Variants in ZNF223 observed in about 807,000 individuals in gnomAD.
The protein encoded by ZNF223 is Homo sapiens zinc finger protein 223.
ZNF223 carries 9 observed loss-of-function variants against 12.3 expected under a neutral mutation model. The observed-to-expected ratio is 0.73, with a 90% CI of 0.44 to 1.28. The LOEUF (loss-of-function observed/expected upper bound fraction) is 1.28, where lower values mean the gene tolerates loss of function less well. Among genes scored for constraint, ZNF223 ranks in the 50% most tolerant of loss-of-function variants. ZNF223 has a pLI of 0.00. For missense variants in ZNF223, 506 were observed against 579.0 expected (o/e 0.87, Z 1.29); for synonymous variants, 171 against 195.2 (o/e 0.88, Z 1.03).
chr19:44,066,883 G>A lies in ZNF223; in HGVS notation c.1055G>A (p.Ser352Asn), dbSNP rs779176128. 8.7e-6 allele frequency: 14 copies of A among 1,614,060 alleles called. No individual in the cohort carries two copies. The highest frequency in any genetic ancestry group is 1.2e-5 in the Non-Finnish European group (14 of 1,180,052). ...KPYNCKECGK[S>N]FRRSSYLLIH... ...TATAATTGTAAAGAATGTGGGAAGA[G>A]CTTCAGACGGTCCTCCTATCTTTTG... The change falls in exon 5 of 5, where the codon AGC becomes AAC. Residue 352 changes from serine (S) to asparagine (N), a missense_variant. Ser to Asn is a conservative substitution (Grantham distance 46, BLOSUM62 1). Transcript: ENST00000434772.
At chr19:44,055,042 T>C (rs1976746972) in intron 1 of ZNF223, 67 bp from the exon 2 acceptor site, 1 of 746,792 alleles carries the variant, frequency 1.3e-6, no homozygotes, top group South Asian at 1.8e-5. Flanking sequence ...ATATGAGTCC[T>C]TGTTGGTGGG....
At chr19:44,054,241 G>C (rs556252953) in intron 1 of ZNF223, among the ~76,000 whole-genome samples, 42 of 151,532 alleles carry the variant, frequency 2.8e-4, no homozygotes, top group African/African-American at 8.5e-4. Flanking sequence ...GGTGCAATAG[G>C]ATGCCCTTTT....
rs1307885816 is a variant in ZNF223 at position 44,067,667 on chromosome 19, A to C, written c.*390A>C. 7 of 391,328 alleles carry C rather than the reference A, an allele frequency of 1.8e-5. No homozygotes were observed. The highest frequency in any genetic ancestry group is 3.5e-5 in the Non-Finnish European group (7 of 201,416). The allele number at this position is 391,328 out of a possible 1,614,324, so 24.2% of individuals were successfully genotyped here. ...TTTCAGCCATAGCTCAGCATACCCC[A>C]GTGGTCGTGGGACTGTCAGAGCAGA... On this transcript the variant is annotated 3_prime_UTR_variant, in exon 5 of 5. Coordinates refer to ENST00000434772, the MANE Select transcript of ZNF223 (RefSeq NM_013361.6).
At chr19:44,054,916 T>A (rs74968911) in intron 1 of ZNF223, among the ~76,000 whole-genome samples, 193 bp from the exon 2 acceptor site, 240 of 152,298 alleles carry the variant, frequency 1.6e-3, no homozygotes, top group Non-Finnish European at 2.7e-3. Context: ...AAGATTCCAT[T>A]GTATGAATAT....
At chr19:44,058,715 A>T (rs1169925062) in intron 2 of ZNF223, among the ~76,000 whole-genome samples, 1 of 152,216 alleles carries the variant, frequency 6.6e-6, no homozygotes, top group African/African-American at 2.4e-5. Flanking sequence ...GAGTGAAGGG[A>T]TGTTGCTGGG....
intron 4 of ZNF223, among the ~76,000 whole-genome samples, chr19:44,062,363 C>G (rs1424533605): frequency 2.6e-5 from 4 of 152,202 alleles, no homozygotes. Context: ...GCCTACCTGT[C>G]ACTTCATTCA....
rs933984777 is a variant in ZNF223 at position 44,057,199 on chromosome 19, A to G, written c.15+2008A>G. 4.5e-4 allele frequency among the ~76,000 whole-genome samples: 69 copies of G among 152,170 alleles called. 2 individuals carry two copies. Among genetic ancestry groups the G allele is most frequent in the South Asian group, 4.1e-4 (2 of 4,834 alleles). ...TAAACTGCTCTTGGCTATCATAAGG[A>G]GAATTAGGGTACTTGTATTCTGTTG... On this transcript the variant is annotated intron_variant, in intron 2 of 4. Transcript: ENST00000434772.
At chr19:44,064,454 CAG>C (rs1319592140) in intron 4 of ZNF223, among the ~76,000 whole-genome samples, 2 of 152,100 alleles carry the variant, frequency 1.3e-5, no homozygotes, top group African/African-American at 4.8e-5. Context: ...CATATCAAAA[CAG>C]AAAAATAAGA....
At position 44,067,071 on chromosome 19, in the gene ZNF223, A is replaced by G; in HGVS notation, c.1243A>G (p.Ile415Val). Residue 415 changes from isoleucine to valine, a missense_variant, in exon 5 of 5, where the codon ATT becomes GTT. Physicochemically the swap from Ile to Val is conservative, Grantham distance 29. Coordinates refer to ENST00000434772, the MANE Select transcript of ZNF223 (RefSeq NM_013361.6). ...GAAGAGCTTTAGACAGGCCTCAAGTATTTTGAATCATAAGAGACTCCATTG... is the reference window on the plus strand; with the variant it reads ...GAAGAGCTTTAGACAGGCCTCAAGTGTTTTGAATCATAAGAGACTCCATTG... ...CGKSFRQASSILNHKRLHCRK... is the reference protein window; with the variant it reads ...CGKSFRQASSVLNHKRLHCRK... 1 of 1,613,862 alleles carries G rather than the reference A, an allele frequency of 6.2e-7. No homozygotes were observed.
intron 2 of ZNF223, among the ~76,000 whole-genome samples, chr19:44,056,541 A>AAT (rs1976768414): frequency 6.7e-6 from 1 of 148,844 alleles, no homozygotes; most frequent in Non-Finnish European, 1.5e-5. Context: ...CAAAAAAAAA[A>AAT]AAAAAATCCC....
chr19:44,060,274 G>A (rs146517000), intron 2 of ZNF223, 181 bp from the exon 3 acceptor site: 3 of 1,064,140 alleles, frequency 2.8e-6, no homozygotes, highest in Admixed American at 5.8e-5. Context: ...ATGACGCTTG[G>A]GACAATCAAG....
chr19:44,051,951 C>T (rs892188547), upstream of ZNF223: 1 of 152,136 alleles, frequency 6.6e-6, no homozygotes, highest in Non-Finnish European at 1.5e-5. Flanking sequence ...AGTCCCGGGC[C>T]CTTTGGCTCA....
Position 44,067,499 on chromosome 19 carries a change from G to T in ZNF223, c.*222G>T, listed in dbSNP as rs1180784263. 2 of 628,554 alleles carry T rather than the reference G, an allele frequency of 3.2e-6. No homozygotes were observed. Among genetic ancestry groups the T allele is most frequent in the East Asian group, 7.0e-5 (2 of 28,552 alleles). The allele number at this position is 628,554 out of a possible 1,614,324, so 38.9% of individuals were successfully genotyped here. ...CAGAACTTCTTCCTCTTATCTACCT[G>T]TACTTTTGCATCCATTAGCCAACCT... On this transcript the variant is annotated 3_prime_UTR_variant, in exon 5 of 5. Transcript: ENST00000434772.
chr19:44,055,979 G>T (rs1202393466), intron 2 of ZNF223, among the ~76,000 whole-genome samples: 1 of 152,096 alleles, frequency 6.6e-6, no homozygotes, highest in Non-Finnish European at 1.5e-5. Flanking sequence ...AGAGAGAGAC[G>T]AGAAGAAAGA....
At chr19:44,059,319 A>C (rs1295715347) in intron 2 of ZNF223, among the ~76,000 whole-genome samples, 1 of 152,192 alleles carries the variant, frequency 6.6e-6, no homozygotes, top group African/African-American at 2.4e-5. Flanking sequence ...AGGTTGTGTG[A>C]TTCTGCTGCC....
chr19:44,057,999 G>A (rs962995269), intron 2 of ZNF223, among the ~76,000 whole-genome samples: 1 of 152,174 alleles, frequency 6.6e-6, no homozygotes, highest in Non-Finnish European at 1.5e-5. Context: ...AATCTTGACT[G>A]TATGTGCCCC....
chr19:44,056,361 CAAAAAAA>C (rs1227362311), intron 2 of ZNF223, among the ~76,000 whole-genome samples: 6 of 78,856 alleles, frequency 7.6e-5, no homozygotes, highest in South Asian at 6.1e-4. Flanking sequence ...ACTAAAAATA[CAAAAAAA>C]AAAAAAAAAA....
chr19:44,059,561 G>A (rs1420722913), intron 2 of ZNF223, among the ~76,000 whole-genome samples: 1 of 152,226 alleles, frequency 6.6e-6, no homozygotes, highest in Non-Finnish European at 1.5e-5. Flanking sequence ...CTTGAGATAA[G>A]GAATGTGCTG....
chr19:44,054,129 C>A (rs1976735724), intron 1 of ZNF223, among the ~76,000 whole-genome samples: 1 of 151,368 alleles, frequency 6.6e-6, no homozygotes, highest in African/African-American at 2.4e-5. Context: ...TTAGATTATA[C>A]ATTGTTGGTG....
Sources: allele counts gnomAD v4.1 joint callset (sites outside exome capture counted in the v4.1 genomes callset), GRCh38; gene constraint gnomAD v4.1.1; transcripts MANE v1.5; gene names NCBI Gene and HGNC (gene_info 2026-07-23, HGNC 2026-07-21).